The following MYOM2 variants were observed in gnomAD, a reference collection of about 807,000 sequenced individuals.
MYOM2 encodes myomesin 2.
MYOM2 carries 254 observed loss-of-function variants against 187.6 expected under a neutral mutation model. The observed-to-expected ratio is 1.35, with a 90% CI of 1.22 to 1.50. The LOEUF is 1.50. Among genes scored for constraint, MYOM2 ranks in the 40% most tolerant of loss-of-function variants. The probability of loss-of-function intolerance (pLI) is 0.00; values close to 1 mark genes in which losing one functional copy is unlikely to be tolerated. For synonymous variants in MYOM2, 981 were observed against 753.8 expected (o/e 1.30, Z -4.94); for missense variants, 2,796 against 1,924.0 (o/e 1.45, Z -8.48).
At chr8:2,091,290 C>T (rs1259869400) in intron 15 of MYOM2, among the ~76,000 whole-genome samples, 1 of 152,132 alleles carries the variant, frequency 6.6e-6, no homozygotes, top group Non-Finnish European at 1.5e-5. Flanking sequence ...GGGATCCTCC[C>T]ACCTTGGCCT....
intron 16 of MYOM2, among the ~76,000 whole-genome samples, chr8:2,092,919 C>T (rs1796358987): frequency 6.6e-6 from 1 of 152,226 alleles, no homozygotes; most frequent in Admixed American, 6.5e-5. Context: ...TTCTATTCCC[C>T]AGCACCTGAT....
At chr8:2,080,287 C>G (rs934135775) in intron 13 of MYOM2, among the ~76,000 whole-genome samples, 1 of 152,216 alleles carries the variant, frequency 6.6e-6, no homozygotes, top group Non-Finnish European at 1.5e-5. Flanking sequence ...TTGAGCTGCT[C>G]GCTAAAATCA....
intron 6 of MYOM2, 60 bp from the exon 7 acceptor site, chr8:2,069,218 C>A: frequency 6.6e-7 from 1 of 1,505,806 alleles, no homozygotes; most frequent in Non-Finnish European, 9.1e-7. Context: ...TTGTGCAATT[C>A]GGGTCACTGA....
At chr8:2,105,655 G>A (rs984625044) in intron 21 of MYOM2, among the ~76,000 whole-genome samples, 1 of 152,116 alleles carries the variant, frequency 6.6e-6, no homozygotes, top group African/African-American at 2.4e-5. Flanking sequence ...TGCAGGGAAG[G>A]ACGTGTGCAG....
At chr8:2,093,071 G>C (rs533384103) in intron 16 of MYOM2, among the ~76,000 whole-genome samples, 2 of 152,248 alleles carry the variant, frequency 1.3e-5, no homozygotes, top group African/African-American at 4.8e-5. Flanking sequence ...GGATGTCTGA[G>C]GTTATTAGGC....
intron 21 of MYOM2, among the ~76,000 whole-genome samples, chr8:2,103,939 C>A (rs560921371): frequency 6.6e-6 from 1 of 152,236 alleles, no homozygotes; most frequent in South Asian, 2.1e-4. Context: ...GATAAATGAA[C>A]GGATGTCTTG....
chr8:2,109,650 T>TG (rs36089090), intron 25 of MYOM2, 119 bp downstream of exon 25: 57,010 of 1,129,256 alleles, frequency 0.05, 2,831 homozygotes, highest in East Asian at 0.22. Flanking sequence ...CCTTAAAGAT[T>TG]GGGGCATGGA....
chr8:2,091,407 T>G (rs567606306), intron 15 of MYOM2, among the ~76,000 whole-genome samples: 2 of 152,222 alleles, frequency 1.3e-5, no homozygotes, highest in East Asian at 3.9e-4. Flanking sequence ...AAATACAAAT[T>G]ACAGAAATTT....
rs374105590 is a variant in MYOM2, at chr8:2,139,575, G to C, written c.3801-1148G>C. On this transcript the variant is annotated intron_variant, in intron 32 of 36. Coordinates refer to ENST00000262113, the MANE Select transcript of MYOM2 (RefSeq NM_003970.4). ...CATAGGCATTCTTGGTTGCCGGCAA[G>C]GGTAAGGAAAGATGCCACAAGCACC... 3.3e-5 allele frequency among the ~76,000 whole-genome samples: 5 copies of C among 152,174 alleles called. No individual in the cohort carries two copies. The South Asian group carries it at 6.2e-4, about 19-fold the overall frequency.
rs537881916 is a variant in MYOM2 at position 2,064,897 on chromosome 8, G to A, written c.654-4381G>A. Reference sequence around the variant, plus strand: ...TCCCCTGCCCAGGAGCTGTGAAACAGCAATTCATTGCAGTTCTCAAAAGAC... The same window carrying A: ...TCCCCTGCCCAGGAGCTGTGAAACAACAATTCATTGCAGTTCTCAAAAGAC... On this transcript the variant is annotated intron_variant, in intron 6 of 36. Transcript: ENST00000262113. 2.6e-4 allele frequency among the ~76,000 whole-genome samples: 40 copies of A among 152,328 alleles called. No homozygotes were observed. The South Asian group carries it at 2.9e-3, about 11-fold the overall frequency.
In MYOM2 at chr8:2,057,350, A is replaced by G; in HGVS notation, c.266A>G (p.Tyr89Cys). Residue 89 changes from tyrosine (Y) to cysteine (C), a missense_variant and splice_region_variant, in exon 4 of 37, where the codon TAC becomes TGC. Coordinates refer to ENST00000262113, the MANE Select transcript of MYOM2 (RefSeq NM_003970.4). ...EDEEQENRSR[Y>C]QSLVAAYGEA... Reference sequence around the variant, plus strand: ...AGGCTGCTTCTCGGCTCCTGCAGGTACCAGTCCCTGGTGGCCGCCTATGGT... The same window carrying G: ...AGGCTGCTTCTCGGCTCCTGCAGGTGCCAGTCCCTGGTGGCCGCCTATGGT... 2.5e-6 allele frequency: 4 copies of G among 1,603,874 alleles called. No homozygotes were observed. The highest frequency in any genetic ancestry group is 2.7e-5 in the African/African-American group (2 of 74,636).
At chr8:2,066,757 G>A (rs917583932) in intron 6 of MYOM2, among the ~76,000 whole-genome samples, 4 of 152,166 alleles carry the variant, frequency 2.6e-5, no homozygotes, top group Non-Finnish European at 5.9e-5. Flanking sequence ...GGTTGTTAAT[G>A]CTTAGCATTG....
intron 14 of MYOM2, among the ~76,000 whole-genome samples, chr8:2,086,406 GCGTGGCCTCCCAC>G (rs1796060373): frequency 7.9e-6 from 1 of 125,882 alleles, no homozygotes; most frequent in African/African-American, 3.6e-5. Flanking sequence ...TGTGATCTCT[GCGTGGCCTCCCAC>G]TGTTGTGATC....
Position 2,124,220 on chromosome 8 carries a change from A to G in MYOM2, c.3694+3A>G. ...TTTGGCAATGAGTAGAGTCTGTGGT[A>G]AGTAAATGCCTTTTAATTTTCAAGT... On this transcript the variant is annotated splice_donor_region_variant and intron_variant, in intron 31 of 36. Transcript: ENST00000262113. 6.2e-7 allele frequency: 1 copy of G among 1,611,394 alleles called. No individual in the cohort carries two copies. Among genetic ancestry groups the G allele is most frequent in the Non-Finnish European group, 8.5e-7 (1 of 1,178,058 alleles).
chr8:2,072,522 C>T lies in MYOM2; in HGVS notation c.958+13C>T, dbSNP rs759862415. ...TGGTACCGCGATGGTGAGTAGGACA[C>T]GGCCCAGACCCGGGCACACACCAGG... On this transcript the variant is annotated intron_variant, in intron 9 of 36. Coordinates refer to ENST00000262113, the MANE Select transcript of MYOM2 (RefSeq NM_003970.4). The T allele has an allele frequency of 8.7e-6, 14 of 1,607,410 alleles. No individual in the cohort carries two copies. Among genetic ancestry groups the T allele is most frequent in the Middle Eastern group, 1.7e-4 (1 of 5,936 alleles).
At chr8:2,052,058 C>G (rs1818508635) in intron 2 of MYOM2, 100 bp from the exon 3 acceptor site, 6 of 1,451,318 alleles carry the variant, frequency 4.1e-6, no homozygotes, top group Non-Finnish European at 5.7e-6. Context: ...CTGCATATAC[C>G]AGTGGTTTGG....
At chr8:2,124,302 G>A (rs1182656102) in intron 31 of MYOM2, 85 bp downstream of exon 31, 6 of 1,355,720 alleles carry the variant, frequency 4.4e-6, no homozygotes, top group Admixed American at 3.8e-5. Flanking sequence ...CTGCAAAAGA[G>A]GGCACCATGG....
At position 2,123,238 on chromosome 8, in the gene MYOM2, T is replaced by C. The variant is rs1797517762; in HGVS notation, c.3454-14T>C. 6.4e-7 allele frequency: 1 copy of C among 1,567,828 alleles called. No individual in the cohort carries two copies. The highest frequency in any genetic ancestry group is 2.2e-5 in the East Asian group (1 of 44,624). ...AATGATTTACACACTAAACTTAAGCTTTCTACCTCACAGGTTGCAAACACC... is the reference window on the plus strand; with the variant it reads ...AATGATTTACACACTAAACTTAAGCCTTCTACCTCACAGGTTGCAAACACC... On this transcript the variant is annotated splice_polypyrimidine_tract_variant and intron_variant, in intron 28 of 36. Transcript: ENST00000262113.
intron 15 of MYOM2, among the ~76,000 whole-genome samples, chr8:2,091,571 C>A (rs1217724240): frequency 6.6e-6 from 1 of 152,206 alleles, no homozygotes; most frequent in African/African-American, 2.4e-5. Flanking sequence ...CACCCTCTCT[C>A]TGTCGTGTTT....
Sources: gnomAD v4.1 joint callset for allele counts (sites outside exome capture counted in the v4.1 genomes callset) on GRCh38, gnomAD v4.1.1 for gene constraint, MANE v1.5 for transcripts, NCBI Gene and HGNC (gene_info 2026-07-23, HGNC 2026-07-21) for gene names.